The following FAT3 variants were observed in gnomAD, a reference collection of about 807,000 sequenced individuals.
FAT3 encodes FAT atypical cadherin 3, also known as protocadherin Fat 3.
A neutral mutation model predicts 310.2 loss-of-function variants in FAT3; 95 were observed. The ratio of observed to expected loss-of-function variants is 0.31; its 90% CI spans 0.26 to 0.36. FAT3 has a LOEUF of 0.36. Ranked by LOEUF, FAT3 falls within the 10% of genes least tolerant of loss-of-function variation. The pLI is 1.00. For synonymous variants in FAT3, 2,314 were observed against 2,192.9 expected (o/e 1.06, Z -1.54); for missense variants, 5,408 against 5,715.6 (o/e 0.95, Z 1.74).
At chr11:92,825,538 C>T (rs1948079912) in intron 13 of FAT3, among the ~76,000 whole-genome samples, 1 of 152,058 alleles carries the variant, frequency 6.6e-6, no homozygotes, top group African/African-American at 2.4e-5. Flanking sequence ...GAGGGCAAAG[C>T]ACAAATGCAG....
At chr11:92,273,969 C>T (rs113722171) in intron 1 of FAT3, among the ~76,000 whole-genome samples, 17 of 152,210 alleles carry the variant, frequency 1.1e-4, no homozygotes, top group African/African-American at 3.4e-4. Context: ...AAGTTTAGTG[C>T]GGGGCTTAAC....
chr11:92,455,621 G>T (rs148479673), intron 2 of FAT3, among the ~76,000 whole-genome samples: 1 of 152,130 alleles, frequency 6.6e-6, no homozygotes, highest in Non-Finnish European at 1.5e-5. Context: ...TTTTCATGGG[G>T]CTGCTACTCA....
intron 1 of FAT3, among the ~76,000 whole-genome samples, chr11:92,255,781 A>G (rs1040058079): frequency 6.6e-6 from 1 of 152,162 alleles, no homozygotes. Context: ...CATTTGAAGG[A>G]AAGGGTCTAT....
At chr11:92,812,703 C>T (rs577938144) in intron 13 of FAT3, among the ~76,000 whole-genome samples, 1 of 152,192 alleles carries the variant, frequency 6.6e-6, no homozygotes, top group African/African-American at 2.4e-5. Flanking sequence ...AACAACAGCA[C>T]TCAGAAGGCC....
chr11:92,337,993 G>A (rs531434527), intron 1 of FAT3, among the ~76,000 whole-genome samples: 1 of 152,038 alleles, frequency 6.6e-6, no homozygotes, highest in African/African-American at 2.4e-5. Flanking sequence ...AATAGGAAAG[G>A]CATGTTAAAC....
intron 2 of FAT3, among the ~76,000 whole-genome samples, chr11:92,444,869 C>T (rs1379964336): frequency 3.3e-5 from 5 of 152,188 alleles, no homozygotes; most frequent in Non-Finnish European, 5.9e-5. Flanking sequence ...CAATGGCTTC[C>T]GTCTTAGAAG....
rs1346341811 is a variant in FAT3 at position 92,224,846 on chromosome 11, A to T, written c.-346A>T. Among the ~76,000 whole-genome samples the T allele has an allele frequency of 6.6e-6, 1 of 151,886 alleles. No individual in the cohort carries two copies. The highest frequency in any genetic ancestry group is 6.5e-5 in the Admixed American group (1 of 15,268). ...AGCGGCGGCGGCTGCAGCTCGGAGC[A>T]GACAGGAGAGCCGGCGCTCCTCCCC... On this transcript the variant is annotated 5_prime_UTR_variant, in exon 1 of 28. Coordinates refer to ENST00000525166, the MANE Select transcript of FAT3 (RefSeq NM_001367949.2).
chr11:92,768,126 A>C (rs531675011), intron 6 of FAT3, among the ~76,000 whole-genome samples: 1 of 152,268 alleles, frequency 6.6e-6, no homozygotes, highest in African/African-American at 2.4e-5. Context: ...TCATTGGTGT[A>C]TTTCTAAATG....
At chr11:92,532,000 C>T (rs1053269382) in intron 3 of FAT3, among the ~76,000 whole-genome samples, 7 of 151,906 alleles carry the variant, frequency 4.6e-5, no homozygotes, top group Non-Finnish European at 8.8e-5. Flanking sequence ...GGAGGAACTG[C>T]CCCCATTGAG....
chr11:92,580,342 T>C (rs502357), intron 3 of FAT3, among the ~76,000 whole-genome samples: 117,230 of 151,804 alleles, frequency 0.77, 46,701 homozygotes, highest in Non-Finnish European at 0.88. Flanking sequence ...TTTGACATTA[T>C]GTATGTTTGA....
chr11:92,299,171 G>C (rs1447005916), intron 1 of FAT3, among the ~76,000 whole-genome samples: 1 of 152,074 alleles, frequency 6.6e-6, no homozygotes, highest in African/African-American at 2.4e-5. Context: ...AGAAGGAAAA[G>C]TACTTATAAT....
intron 2 of FAT3, among the ~76,000 whole-genome samples, chr11:92,364,228 A>G (rs560209981): frequency 6.6e-6 from 1 of 152,262 alleles, no homozygotes; most frequent in South Asian, 2.1e-4. Flanking sequence ...GACATTTTCA[A>G]TGGCTTACCG....
chr11:92,519,585 A>G (rs1953614125), intron 2 of FAT3, among the ~76,000 whole-genome samples: 1 of 152,110 alleles, frequency 6.6e-6, no homozygotes, highest in Non-Finnish European at 1.5e-5. Flanking sequence ...AAGAGTGAAA[A>G]GCCACAGACT....
intron 4 of FAT3, among the ~76,000 whole-genome samples, chr11:92,725,522 T>A (rs1438912192): frequency 6.6e-6 from 1 of 152,138 alleles, no homozygotes; most frequent in East Asian, 1.9e-4. Context: ...GTCAATTAAA[T>A]ACCCACTTTC....
intron 13 of FAT3, among the ~76,000 whole-genome samples, chr11:92,826,811 G>A (rs1948116405): frequency 6.6e-6 from 1 of 152,164 alleles, no homozygotes; most frequent in Non-Finnish European, 1.5e-5. Flanking sequence ...TCCCGTGCAG[G>A]CAATGAGAGA....
intron 3 of FAT3, among the ~76,000 whole-genome samples, chr11:92,696,021 A>T (rs961442142): frequency 6.6e-6 from 1 of 152,192 alleles, no homozygotes; most frequent in African/African-American, 2.4e-5. Flanking sequence ...CAAAAAAATG[A>T]TAAGTATTGT....
intron 3 of FAT3, among the ~76,000 whole-genome samples, chr11:92,653,604 G>A (rs1230707964): frequency 2.6e-5 from 4 of 152,104 alleles, no homozygotes. Flanking sequence ...TAAAGCAATT[G>A]GTTGCTCTAG....
chr11:92,787,886 G>T (rs1287766501), intron 7 of FAT3, among the ~76,000 whole-genome samples: 1 of 151,916 alleles, frequency 6.6e-6, no homozygotes, highest in Non-Finnish European at 1.5e-5. Context: ...AGATACCAAT[G>T]TAAAAATAAT....
chr11:92,867,307 TAG>T, intron 22 of FAT3, 98 bp downstream of exon 22: 2 of 1,221,298 alleles, frequency 1.6e-6, no homozygotes, highest in Non-Finnish European at 2.2e-6. Flanking sequence ...AGGACTCTAC[TAG>T]AGAGGAGTAT....
Sources: allele counts gnomAD v4.1 joint callset (sites outside exome capture counted in the v4.1 genomes callset), GRCh38; gene constraint gnomAD v4.1.1; transcripts MANE v1.5; gene names NCBI Gene and HGNC (gene_info 2026-07-23, HGNC 2026-07-21).